The following NAALADL2 variants were observed in gnomAD, a reference collection of about 807,000 sequenced individuals.
The protein encoded by NAALADL2 is inactive N-acetylated-alpha-linked acidic dipeptidase-like protein 2.
NAALADL2 carries 76 observed loss-of-function variants against 87.2 expected under a neutral mutation model. That is an observed-to-expected ratio of 0.87 (90% confidence interval 0.72 to 1.05). NAALADL2 has a LOEUF of 1.05. NAALADL2 is among the 50% of genes least tolerant of loss of function. The pLI, the probability that NAALADL2 is intolerant of heterozygous loss-of-function variation, is 0.00. For synonymous variants in NAALADL2, 354 were observed against 331.0 expected (o/e 1.07, Z -0.75); for missense variants, 1,089 against 945.8 (o/e 1.15, Z -1.99).
intron 2 of NAALADL2, among the ~76,000 whole-genome samples, chr3:175,124,870 A>G (rs1293687581): frequency 1.3e-5 from 2 of 152,088 alleles, no homozygotes; most frequent in Non-Finnish European, 2.9e-5. Context: ...TTAAAGGTTA[A>G]TAGAATTTCA....
chr3:175,401,784 T>C (rs1179990205), intron 5 of NAALADL2, among the ~76,000 whole-genome samples: 1 of 152,166 alleles, frequency 6.6e-6, no homozygotes, highest in African/African-American at 2.4e-5. Context: ...ATTATATGTA[T>C]ACCTATTTTT....
intron 1 of NAALADL2, among the ~76,000 whole-genome samples, chr3:175,094,770 G>T (rs796441609): frequency 6.7e-6 from 1 of 149,796 alleles, no homozygotes; most frequent in African/African-American, 2.5e-5. Flanking sequence ...GTGTGTGTGT[G>T]TGTGTGTGTG....
At chr3:175,550,392 A>C (rs1714147842) in intron 9 of NAALADL2, among the ~76,000 whole-genome samples, 1 of 152,130 alleles carries the variant, frequency 6.6e-6, no homozygotes, top group South Asian at 2.1e-4. Flanking sequence ...TTCCACTTTG[A>C]GATACATGGC....
chr3:174,968,567 C>A (rs935629784), intron 1 of NAALADL2, among the ~76,000 whole-genome samples: 7 of 152,040 alleles, frequency 4.6e-5, no homozygotes, highest in African/African-American at 1.7e-4. Context: ...GCAACCTCTG[C>A]CTCCCAGGTT....
chr3:175,600,145 T>G (rs1454297126), intron 10 of NAALADL2, among the ~76,000 whole-genome samples: 1 of 151,988 alleles, frequency 6.6e-6, no homozygotes, highest in Admixed American at 6.6e-5. Flanking sequence ...TATTTGAATT[T>G]CATATGCAAA....
chr3:174,753,621 A>T (rs1248268868), intron 3 of NAALADL2, among the ~76,000 whole-genome samples: 3 of 152,000 alleles, frequency 2.0e-5, no homozygotes, highest in African/African-American at 7.3e-5. Flanking sequence ...TGGGGAGGGG[A>T]TGGGGGATAA....
At chr3:175,772,596 C>T (rs1416579872) in intron 13 of NAALADL2, among the ~76,000 whole-genome samples, 4 of 152,088 alleles carry the variant, frequency 2.6e-5, no homozygotes, top group Non-Finnish European at 5.9e-5. Flanking sequence ...TCAGAGACAC[C>T]AGCGCGAGCG....
At chr3:174,575,324 T>TA (rs1257552531) in intron 2 of NAALADL2, among the ~76,000 whole-genome samples, 1 of 152,114 alleles carries the variant, frequency 6.6e-6, no homozygotes, top group Non-Finnish European at 1.5e-5. Flanking sequence ...GATTTCTACC[T>TA]AAAATATACA....
intron 1 of NAALADL2, among the ~76,000 whole-genome samples, chr3:174,958,751 T>G (rs1741522669): frequency 6.6e-6 from 1 of 152,090 alleles, no homozygotes; most frequent in African/African-American, 2.4e-5. Context: ...ATTTTAATTC[T>G]TGATGAATTC....
intron 2 of NAALADL2, among the ~76,000 whole-genome samples, chr3:175,202,567 T>C (rs774462915): frequency 2.6e-5 from 4 of 152,084 alleles, no homozygotes; most frequent in Non-Finnish European, 5.9e-5. Context: ...GGCATAGAGA[T>C]TTAATGCTCT....
At chr3:175,361,801 C>A (rs1170633170) in intron 5 of NAALADL2, among the ~76,000 whole-genome samples, 3 of 148,072 alleles carry the variant, frequency 2.0e-5, no homozygotes, top group African/African-American at 7.4e-5. Flanking sequence ...TAAAAATGTT[C>A]TCCCATTCTG....
chr3:174,722,483 A>C (rs561554249), intron 2 of NAALADL2, among the ~76,000 whole-genome samples: 2 of 152,322 alleles, frequency 1.3e-5, no homozygotes, highest in East Asian at 3.9e-4. Context: ...CAGGTGGATC[A>C]CGTGGTCAGG....
chr3:175,638,237 AACTG>A (rs570086267), intron 11 of NAALADL2, among the ~76,000 whole-genome samples: 22 of 152,292 alleles, frequency 1.4e-4, no homozygotes, highest in African/African-American at 5.1e-4. Flanking sequence ...CGATCCACAT[AACTG>A]ACTGATTTCC....
chr3:175,177,960 A>G (rs1001766741), intron 2 of NAALADL2, among the ~76,000 whole-genome samples: 2 of 120,718 alleles, frequency 1.7e-5, no homozygotes, highest in Non-Finnish European at 3.4e-5. Flanking sequence ...ATTGAAAACT[A>G]TATTGAAATA....
At chr3:174,872,201 A>G (rs73174790) in intron 1 of NAALADL2, among the ~76,000 whole-genome samples, 102 of 152,300 alleles carry the variant, frequency 6.7e-4, no homozygotes, top group Admixed American at 3.3e-3. Context: ...TTATGATGAT[A>G]AGAGTAGCTA....
chr3:175,195,551 G>C (rs1365882105), intron 2 of NAALADL2, among the ~76,000 whole-genome samples: 1 of 151,754 alleles, frequency 6.6e-6, no homozygotes, highest in Non-Finnish European at 1.5e-5. Flanking sequence ...AGTGTTTCAG[G>C]CAATACCCTG....
intron 2 of NAALADL2, among the ~76,000 whole-genome samples, chr3:174,557,186 G>A (rs1310982990): frequency 6.6e-6 from 1 of 151,574 alleles, no homozygotes; most frequent in Non-Finnish European, 1.5e-5. Context: ...TTCTGTTTCG[G>A]CCTTTTTACT....
chr3:175,059,661 C>T (rs960041218), intron 1 of NAALADL2: 4 of 345,434 alleles, frequency 1.2e-5, no homozygotes, highest in South Asian at 2.8e-5. Flanking sequence ...TCATTCTGGG[C>T]AAGCCATTCT....
intron 2 of NAALADL2, among the ~76,000 whole-genome samples, chr3:174,661,827 G>GCA (rs144556364): frequency 5.0e-4 from 75 of 150,390 alleles, no homozygotes; most frequent in South Asian, 1.9e-3. Context: ...ATGCGTGCAC[G>GCA]CACACACACA....
Sources: allele counts gnomAD v4.1 joint callset (sites outside exome capture counted in the v4.1 genomes callset), GRCh38; gene constraint gnomAD v4.1.1; transcripts MANE v1.5; gene names NCBI Gene and HGNC (gene_info 2026-07-23, HGNC 2026-07-21).